Variants in TDRD7 observed in about 807,000 individuals in gnomAD.
TDRD7 encodes the protein tudor domain-containing protein 7.
TDRD7 carries 47 observed loss-of-function variants against 109.8 expected under a neutral mutation model. The ratio of observed to expected loss-of-function variants is 0.43; its 90% CI spans 0.34 to 0.55. TDRD7 has a LOEUF of 0.55. TDRD7 is among the 20% of genes least tolerant of loss of function. TDRD7 has a pLI of 0.03. For missense variants in TDRD7, 1,164 were observed against 1,319.2 expected, an observed-to-expected ratio of 0.88 and a Z score of 1.82; for synonymous variants, 424 against 457.3, an observed-to-expected ratio of 0.93 and a Z score of 0.93.
At chr9:97,450,176 G>A (rs1828466613) in intron 6 of TDRD7, among the ~76,000 whole-genome samples, 1 of 152,094 alleles carries the variant, frequency 6.6e-6, no homozygotes, top group Admixed American at 6.5e-5. Flanking sequence ...GGGGGTGGGA[G>A]TGTACACATG....
At chr9:97,480,014 G>A (rs1829088379) in intron 13 of TDRD7, among the ~76,000 whole-genome samples, 2 of 152,116 alleles carry the variant, frequency 1.3e-5, no homozygotes, top group African/African-American at 4.8e-5. Context: ...CAACAAGAAA[G>A]GTACCACATC....
intron 6 of TDRD7, among the ~76,000 whole-genome samples, chr9:97,442,940 C>T (rs1334847495): frequency 1.3e-5 from 2 of 152,080 alleles, no homozygotes; most frequent in Non-Finnish European, 2.9e-5. Context: ...GGGCTATGGG[C>T]GTTAGCCACT....
chr9:97,443,462 T>C (rs1828347442), intron 6 of TDRD7, among the ~76,000 whole-genome samples: 1 of 152,248 alleles, frequency 6.6e-6, no homozygotes, highest in Non-Finnish European at 1.5e-5. Flanking sequence ...ATAGGGTTAG[T>C]TCTCCTAATG....
Position 97,460,687 on chromosome 9 carries a change from T to C in TDRD7, c.1365T>C (p.Pro455=). 2 of 1,614,188 alleles carry C rather than the reference T, an allele frequency of 1.2e-6. No individual in the cohort carries two copies. The highest frequency in any genetic ancestry group is 1.7e-6 in the Non-Finnish European group (2 of 1,180,036). ...ANTFMEDITV[P]PLMIPTEASP... is the part of the protein sequence containing the mutation. ...CCTTTATGGAGGACATAACAGTTCC[T>C]CCTTTAATGATTCCAACTGAAGCAT... Residue 455 remains proline (P), a synonymous_variant, in exon 7 of 17, where the codon CCT becomes CCC. Coordinates refer to ENST00000355295, the MANE Select transcript of TDRD7 (RefSeq NM_014290.3).
Position 97,470,907 on chromosome 9 carries a change from C to T in TDRD7, c.1741+238C>T, listed in dbSNP as rs4742693. 0.46 allele frequency among the ~76,000 whole-genome samples: 69,683 copies of T among 151,950 alleles called. 16,011 individuals are homozygous for T. The highest frequency in any genetic ancestry group is 0.52 in the Admixed American group (7,887 of 15,278). ...AATTTCTTATAAAAATTTCAGCCAT[C>T]TTAAAGGGATTTTTCTTGTTCTAAC... On this transcript the variant is annotated intron_variant, in intron 9 of 16. Coordinates refer to ENST00000355295, the MANE Select transcript of TDRD7 (RefSeq NM_014290.3).
intron 1 of TDRD7, among the ~76,000 whole-genome samples, chr9:97,424,790 T>A (rs915870344): frequency 1.3e-5 from 2 of 152,182 alleles, no homozygotes; most frequent in Non-Finnish European, 2.9e-5. Context: ...AATGTAATTA[T>A]TGATATGATT....
intron 16 of TDRD7, among the ~76,000 whole-genome samples, chr9:97,488,119 A>G (rs961814394): frequency 1.3e-5 from 2 of 152,206 alleles, no homozygotes; most frequent in Middle Eastern, 3.2e-3. Flanking sequence ...TGTGAAAGCA[A>G]TACAACTGTT....
At chr9:97,437,649 G>A (rs1051828205) in intron 4 of TDRD7, among the ~76,000 whole-genome samples, 3 of 152,166 alleles carry the variant, frequency 2.0e-5, no homozygotes, top group African/African-American at 4.8e-5. Context: ...CAACTATACC[G>A]TGTAGTCCCA....
intron 8 of TDRD7, among the ~76,000 whole-genome samples, chr9:97,469,054 T>C (rs762358000): frequency 2.6e-5 from 4 of 152,254 alleles, no homozygotes; most frequent in Non-Finnish European, 4.4e-5. Flanking sequence ...GCAGTTATTC[T>C]TTAATCTGTT....
At chr9:97,427,949 G>A (rs752356828) in intron 1 of TDRD7, among the ~76,000 whole-genome samples, 8 of 152,104 alleles carry the variant, frequency 5.3e-5, no homozygotes, top group Non-Finnish European at 1.0e-4. Flanking sequence ...TGGCAAAAAT[G>A]CAAACATGAG....
At chr9:97,479,053 G>A (rs926776379) in intron 13 of TDRD7, among the ~76,000 whole-genome samples, 7 of 151,748 alleles carry the variant, frequency 4.6e-5, no homozygotes, top group African/African-American at 1.5e-4. Context: ...CAGATGATAA[G>A]GATTTTGAAT....
At chr9:97,484,705 C>T (rs910570147) in intron 15 of TDRD7, among the ~76,000 whole-genome samples, 12 of 152,172 alleles carry the variant, frequency 7.9e-5, no homozygotes, top group African/African-American at 2.4e-4. Flanking sequence ...AAAACCATTT[C>T]TACTGTTGTG....
At chr9:97,455,410 A>G (rs550526619) in intron 6 of TDRD7, among the ~76,000 whole-genome samples, 15 of 152,228 alleles carry the variant, frequency 9.9e-5, no homozygotes, top group Admixed American at 3.9e-4. Context: ...ATGAACATCA[A>G]TGTGAAAATC....
At chr9:97,435,361 G>A (rs940107098) in intron 4 of TDRD7, among the ~76,000 whole-genome samples, 11 of 151,906 alleles carry the variant, frequency 7.2e-5, no homozygotes, top group Non-Finnish European at 1.5e-4. Flanking sequence ...CAGGCACCAT[G>A]GCTCATGCCT....
intron 4 of TDRD7, among the ~76,000 whole-genome samples, 184 bp downstream of exon 4, chr9:97,432,422 T>G (rs1020692475): frequency 1.3e-5 from 2 of 152,242 alleles, no homozygotes; most frequent in Non-Finnish European, 2.9e-5. Context: ...TGCATCTCTA[T>G]TCTATATTTT....
chr9:97,439,401 C>G (rs1447765565), intron 5 of TDRD7, 83 bp downstream of exon 5: 10 of 1,114,520 alleles, frequency 9.0e-6, no homozygotes, highest in African/African-American at 3.1e-5. Context: ...GACATTTGCT[C>G]TCACCTTCTC....
intron 16 of TDRD7, among the ~76,000 whole-genome samples, chr9:97,489,337 A>G (rs1829263240): frequency 1.3e-5 from 2 of 152,176 alleles, no homozygotes; most frequent in South Asian, 4.1e-4. Flanking sequence ...TATTAGATGC[A>G]TGTACATTAA....
At chr9:97,442,017 T>G (rs896588071) in intron 6 of TDRD7, 142 bp downstream of exon 6, 8 of 740,348 alleles carry the variant, frequency 1.1e-5, no homozygotes, top group South Asian at 1.5e-5. Flanking sequence ...TCTCTTAAGA[T>G]TAACATATGT....
At position 97,483,197 on chromosome 9, in the gene TDRD7, G is replaced by A. The variant is rs1459343612; in HGVS notation, c.2761G>A (p.Ala921Thr). ...GEHMDVYVPV[A>T]CHPGYFVIQP... Reference sequence around the variant, plus strand: ...ACACATGGATGTGTATGTGCCTGTGGCCTGTCACCCAGGCTACTTCGTCAT... The same window carrying A: ...ACACATGGATGTGTATGTGCCTGTGACCTGTCACCCAGGCTACTTCGTCAT... Residue 921 changes from alanine to threonine, a missense_variant, in exon 15 of 17, where the codon GCC (alanine) becomes ACC (threonine). By Grantham distance (58) the Ala-to-Thr change is moderately conservative. Around this residue, in one of 5 missense-constraint regions of TDRD7, gnomAD observed 162 missense variants for 222.5 expected, o/e 0.73. Coordinates refer to ENST00000355295, the MANE Select transcript of TDRD7 (RefSeq NM_014290.3). The A allele has an allele frequency of 6.2e-7, 1 of 1,613,644 alleles. No homozygotes were observed. Among genetic ancestry groups the A allele is most frequent in the Non-Finnish European group, 8.5e-7 (1 of 1,179,628 alleles).
Sources: allele counts gnomAD v4.1 joint callset (sites outside exome capture counted in the v4.1 genomes callset), GRCh38; gene constraint gnomAD v4.1.1; regional missense constraint gnomAD v4.1.1; transcripts MANE v1.5; gene names NCBI Gene and HGNC (gene_info 2026-07-23, HGNC 2026-07-21).